The following CFAP77 variants were observed in gnomAD, a reference collection of about 807,000 sequenced individuals.
CFAP77 encodes the protein cilia- and flagella-associated protein 77.
Under a neutral mutation model 31.1 loss-of-function variants are expected in CFAP77, and 25 were observed. The ratio of observed to expected loss-of-function variants is 0.80; its 90% CI spans 0.59 to 1.12. The LOEUF (loss-of-function observed/expected upper bound fraction) is 1.12, where lower values mean the gene tolerates loss of function less well. CFAP77 is among the 50% of genes most tolerant of loss of function. The pLI is 0.00. For missense variants in CFAP77, 377 were observed against 397.3 expected (o/e 0.95, Z 0.44); for synonymous variants, 151 against 159.9 (o/e 0.94, Z 0.42).
At position 132,410,360 on chromosome 9, in the gene CFAP77, C is replaced by T. The variant is rs773977463; in HGVS notation, c.89C>T (p.Pro30Leu). The change falls in exon 1 of 6, where the codon CCG becomes CTG. Residue 30 changes from proline to leucine, a missense_variant. Transcript: ENST00000393216. ...PVRRTVSQVC[P>L]PPRRPLTVAD... ...CGCCGCACGGTCAGCCAGGTCTGCC[C>T]GCCCCCGCGGCGGCCCCTGACCGTG... 5 of 1,598,242 alleles carry T rather than the reference C, an allele frequency of 3.1e-6. No individual in the cohort carries two copies. Among genetic ancestry groups the T allele is most frequent in the Non-Finnish European group, 4.3e-6 (5 of 1,173,778 alleles).
chr9:132,447,178 C>T (rs1159553581), intron 1 of CFAP77, among the ~76,000 whole-genome samples: 2 of 152,338 alleles, frequency 1.3e-5, no homozygotes, highest in East Asian at 3.9e-4. Context: ...CCAGATTCTA[C>T]ACTCTGCCAC....
intron 5 of CFAP77, among the ~76,000 whole-genome samples, chr9:132,560,316 G>A (rs1291004355): frequency 1.3e-5 from 2 of 152,130 alleles, no homozygotes; most frequent in African/African-American, 2.4e-5. Flanking sequence ...AGTCTGCTGT[G>A]TCCTCCACTA....
chr9:132,428,112 C>T (rs574005747), intron 1 of CFAP77, among the ~76,000 whole-genome samples: 2 of 152,048 alleles, frequency 1.3e-5, no homozygotes, highest in Admixed American at 1.3e-4. Context: ...ATTCTCCCAC[C>T]TCAGCCTCTT....
chr9:132,518,139 C>T (rs980470240), intron 3 of CFAP77, among the ~76,000 whole-genome samples: 5 of 152,082 alleles, frequency 3.3e-5, no homozygotes, highest in African/African-American at 1.2e-4. Context: ...GCCCAAAGCC[C>T]GGCTTTCCAA....
intron 3 of CFAP77, among the ~76,000 whole-genome samples, chr9:132,519,576 A>G (rs1379118364): frequency 6.1e-5 from 2 of 32,838 alleles, no homozygotes; most frequent in African/African-American, 1.4e-4. Context: ...GGATGGATAG[A>G]TGGATGGATG....
intron 1 of CFAP77, among the ~76,000 whole-genome samples, chr9:132,411,886 CACACATACAT>C (rs938382543): frequency 1.3e-5 from 2 of 150,076 alleles, no homozygotes; most frequent in African/African-American, 5.0e-5. Context: ...CACACACACA[CACACATACAT>C]GCATATGCAT....
At chr9:132,569,599 A>G (rs1043295312) in intron 5 of CFAP77, among the ~76,000 whole-genome samples, 4 of 152,126 alleles carry the variant, frequency 2.6e-5, no homozygotes, top group East Asian at 3.9e-4. Context: ...AGACAGCACA[A>G]TTGCCAATCT....
At chr9:132,519,004 CTCTCG>C (rs1852198021) in intron 3 of CFAP77, among the ~76,000 whole-genome samples, 1 of 152,176 alleles carries the variant, frequency 6.6e-6, no homozygotes, top group South Asian at 2.1e-4. Flanking sequence ...TGATATCAGT[CTCTCG>C]AGTTGTTGTC....
At chr9:132,459,272 C>T (rs1300977516) in intron 1 of CFAP77, among the ~76,000 whole-genome samples, 3 of 152,024 alleles carry the variant, frequency 2.0e-5, no homozygotes, top group Non-Finnish European at 2.9e-5. Context: ...GGGGTTTCAC[C>T]GTGTTAGCCA....
intron 5 of CFAP77, among the ~76,000 whole-genome samples, chr9:132,548,595 G>A (rs990296998): frequency 6.6e-6 from 1 of 152,062 alleles, no homozygotes; most frequent in African/African-American, 2.4e-5. Context: ...TCCGGAGCCT[G>A]GATCTTTATT....
rs1851811122 is a variant in CFAP77 at position 132,499,702 on chromosome 9, C to T, written c.524+102C>T. 2 of 989,116 alleles carry T rather than the reference C, an allele frequency of 2.0e-6. No homozygotes were observed. Among genetic ancestry groups the T allele is most frequent in the East Asian group, 5.0e-5 (2 of 39,716 alleles). The allele number at this position is 989,116 out of a possible 1,614,324, so 61.3% of individuals were successfully genotyped here. A position where few individuals can be genotyped will look rare whatever the true frequency, so the allele number is the denominator to read the frequency against. On this transcript the variant is annotated intron_variant, in intron 3 of 5. Transcript: ENST00000393216. The surrounding 1 kb of genome is among the most constrained non-coding windows in gnomAD (Gnocchi z 5.4). Reference sequence around the variant, plus strand: ...GTGACAGGGAAGTGGAGCATCCTCCCAGCCCCACTGTCCTCTCTTCAATGA... The same window carrying T: ...GTGACAGGGAAGTGGAGCATCCTCCTAGCCCCACTGTCCTCTCTTCAATGA...
At chr9:132,537,546 G>A (rs979809626) in intron 3 of CFAP77, 55 bp from the exon 4 acceptor site, 56 of 1,356,290 alleles carry the variant, frequency 4.1e-5, no homozygotes, top group Admixed American at 9.6e-5. Context: ...GGTGGGGAGC[G>A]GGTGCCTCTG....
In CFAP77 at chr9:132,414,885, C is replaced by T. The variant is rs368647040; in HGVS notation, c.195+4419C>T. 1.6e-3 allele frequency among the ~76,000 whole-genome samples: 248 copies of T among 152,226 alleles called. 1 individual carries two copies. The highest frequency in any genetic ancestry group is 5.9e-3 in the African/African-American group (243 of 41,522). ...TGGATGCTCTACAAAATTAGGCAAC[C>T]ACACCATGCCCACTAATAGCTTAAC... is the stretch of plus-strand genomic sequence containing the variant. On this transcript the variant is annotated intron_variant, in intron 1 of 5. Coordinates refer to ENST00000393216, the MANE Select transcript of CFAP77 (RefSeq NM_001282957.2).
intron 5 of CFAP77, among the ~76,000 whole-genome samples, chr9:132,570,542 C>T (rs555238641): frequency 1.8e-4 from 28 of 152,344 alleles, no homozygotes; most frequent in Middle Eastern, 6.8e-3. Context: ...TTGCAAAGGG[C>T]CCTGAAACCT....
chr9:132,570,660 C>T (rs574619426), intron 5 of CFAP77, among the ~76,000 whole-genome samples: 2 of 152,180 alleles, frequency 1.3e-5, no homozygotes, highest in African/African-American at 4.8e-5. Flanking sequence ...GGTCCACATC[C>T]GCTAGAAGGT....
Position 132,481,815 on chromosome 9 carries a change from C to A in CFAP77, c.196-16880C>A, listed in dbSNP as rs1436931566. On this transcript the variant is annotated intron_variant, in intron 1 of 5. Coordinates refer to ENST00000393216, the MANE Select transcript of CFAP77 (RefSeq NM_001282957.2). The surrounding 1 kb of genome is among the most constrained non-coding windows in gnomAD (Gnocchi z 5.0). ...GTCAGCTGCCATTTTGTGTTAAACT[C>A]CTTCTCATTTATTACAATACCACTT... Among the ~76,000 whole-genome samples the A allele has an allele frequency of 6.6e-6, 1 of 152,172 alleles. No individual in the cohort carries two copies. Among genetic ancestry groups the A allele is most frequent in the African/African-American group, 2.4e-5 (1 of 41,426 alleles).
In CFAP77 at chr9:132,545,070, C is replaced by T. The variant is rs529630093; in HGVS notation, c.732+2023C>T. Among the ~76,000 whole-genome samples, 1 of 152,220 alleles carries T rather than the reference C, an allele frequency of 6.6e-6. No individual in the cohort carries two copies. Among genetic ancestry groups the T allele is most frequent in the South Asian group, 2.1e-4 (1 of 4,836 alleles). On this transcript the variant is annotated intron_variant, in intron 5 of 5. Coordinates refer to ENST00000393216, the MANE Select transcript of CFAP77 (RefSeq NM_001282957.2). This position sits in a 1 kb window ranked among gnomAD's most constrained non-coding sequence, Gnocchi z 4.6. ...TGGGAGCTCCGGTCTGTCTCACTCA[C>T]CTGTGTCCCACGGCGCCTGGCCCCA...
At chr9:132,558,082 T>C (rs1382126782) in intron 5 of CFAP77, among the ~76,000 whole-genome samples, 1 of 152,186 alleles carries the variant, frequency 6.6e-6, no homozygotes, top group East Asian at 1.9e-4. Context: ...GGCCATCAGC[T>C]ACCACCAGTC....
At position 132,566,826 on chromosome 9, in the gene CFAP77, C is replaced by T. The variant is rs371589814; in HGVS notation, c.733-5562C>T. On this transcript the variant is annotated intron_variant, in intron 5 of 5. Transcript: ENST00000393216. ...TCCCTCCTGTTCTCTCCCTTCCCAC[C>T]TCCCTCATCACAGTCCTTCCAGGGC... 3.2e-4 allele frequency among the ~76,000 whole-genome samples: 49 copies of T among 152,314 alleles called. 4 individuals carry two copies. The East Asian group carries it at 4.4e-3, about 14-fold the overall frequency.
Sources: allele counts gnomAD v4.1 joint callset (sites outside exome capture counted in the v4.1 genomes callset), GRCh38; gene constraint gnomAD v4.1.1; non-coding constraint Gnocchi (gnomAD v3.1); transcripts MANE v1.5; gene names NCBI Gene and HGNC (gene_info 2026-07-23, HGNC 2026-07-21).